Variants in PIP5K1B observed in about 807,000 individuals in gnomAD.
PIP5K1B encodes phosphatidylinositol 4-phosphate 5-kinase type-1 beta.
A neutral mutation model predicts 67.0 loss-of-function variants in PIP5K1B; 42 were observed. The observed-to-expected ratio is 0.63, with a 90% CI of 0.49 to 0.81. The LOEUF (loss-of-function observed/expected upper bound fraction) is 0.81. PIP5K1B is among the 30% of genes least tolerant of loss of function. The probability of loss-of-function intolerance (pLI) is 0.00; values close to 1 mark genes in which losing one functional copy is unlikely to be tolerated. For missense variants in PIP5K1B, 459 were observed against 646.3 expected (o/e 0.71, Z 3.14); for synonymous variants, 214 against 231.4 (o/e 0.92, Z 0.68).
At chr9:68,857,158 C>T (rs919975823) in intron 4 of PIP5K1B, among the ~76,000 whole-genome samples, 12 of 152,176 alleles carry the variant, frequency 7.9e-5, no homozygotes, top group Admixed American at 2.6e-4. Context: ...TCTGAAGGAA[C>T]GCAGCCTTGT....
chr9:68,744,582 G>A (rs1311278125), intron 2 of PIP5K1B, among the ~76,000 whole-genome samples: 5 of 152,212 alleles, frequency 3.3e-5, no homozygotes, highest in Non-Finnish European at 7.3e-5. Flanking sequence ...TGTGGTTGGA[G>A]GCTTTTTCTC....
Position 68,705,242 on chromosome 9 carries a change from C to T in PIP5K1B, c.-763C>T. 6.6e-6 allele frequency among the ~76,000 whole-genome samples: 1 copy of T among 151,918 alleles called. No individual in the cohort carries two copies. The highest frequency in any genetic ancestry group is 1.5e-5 in the Non-Finnish European group (1 of 67,944). On this transcript the variant is annotated 5_prime_UTR_variant, in exon 1 of 16. Coordinates refer to ENST00000265382, the MANE Select transcript of PIP5K1B (RefSeq NM_003558.4). ...CGGCAGCCGCCGCGCAGCCGGCTCT[C>T]TCTGCGCCTCGCTCCGACTCCGGCG...
intron 12 of PIP5K1B, among the ~76,000 whole-genome samples, chr9:68,931,833 G>A (rs1048878629): frequency 2.0e-5 from 3 of 152,138 alleles, no homozygotes; most frequent in Non-Finnish European, 2.9e-5. Flanking sequence ...AAATCTAGGC[G>A]TTTCTGCCAC....
At chr9:68,759,906 C>T (rs547707223) in intron 2 of PIP5K1B, among the ~76,000 whole-genome samples, 3 of 152,060 alleles carry the variant, frequency 2.0e-5, no homozygotes, top group South Asian at 4.2e-4. Flanking sequence ...GTATGGCTTA[C>T]ATTAAAATTT....
At chr9:68,891,125 GT>G (rs1356164623) in intron 7 of PIP5K1B, among the ~76,000 whole-genome samples, 1 of 152,150 alleles carries the variant, frequency 6.6e-6, no homozygotes, top group African/African-American at 2.4e-5. Flanking sequence ...GCACGCACCT[GT>G]GGTCCCAGCT....
chr9:68,847,586 T>A (rs140101842), intron 4 of PIP5K1B, among the ~76,000 whole-genome samples: 81 of 152,068 alleles, frequency 5.3e-4, no homozygotes, highest in African/African-American at 1.6e-3. Flanking sequence ...CAGCCTAGAT[T>A]CTAATTCCTA....
At chr9:68,737,757 C>G (rs914343878) in intron 1 of PIP5K1B, among the ~76,000 whole-genome samples, 1 of 152,168 alleles carries the variant, frequency 6.6e-6, no homozygotes, top group Non-Finnish European at 1.5e-5. Context: ...TGCACCCTTG[C>G]AAAATTTCTG....
intron 5 of PIP5K1B, among the ~76,000 whole-genome samples, chr9:68,868,434 A>G (rs2132282907): frequency 6.6e-6 from 1 of 152,360 alleles, no homozygotes; most frequent in Admixed American, 6.5e-5. Flanking sequence ...ACTATTTGGT[A>G]TATGAAATAA....
intron 1 of PIP5K1B, among the ~76,000 whole-genome samples, chr9:68,733,411 G>C (rs534125851): frequency 6.6e-6 from 1 of 152,268 alleles, no homozygotes; most frequent in Non-Finnish European, 1.5e-5. Flanking sequence ...GTGTGAAGCA[G>C]TGTGAAGAAT....
At chr9:68,726,165 A>AAGATCTACAACACCCAGT (rs1828139356) in intron 1 of PIP5K1B, among the ~76,000 whole-genome samples, 1 of 152,262 alleles carries the variant, frequency 6.6e-6, no homozygotes, top group Non-Finnish European at 1.5e-5. Context: ...TAAATGCTTG[A>AAGATCTACAACACCCAGT]GGTGATAGAT....
chr9:68,753,257 C>A (rs1298281138), intron 2 of PIP5K1B, among the ~76,000 whole-genome samples: 1 of 150,214 alleles, frequency 6.7e-6, no homozygotes, highest in Non-Finnish European at 1.5e-5. Flanking sequence ...CTTTATGACA[C>A]ATTTTGATAA....
chr9:69,003,803 C>T (rs956658807), intron 15 of PIP5K1B, among the ~76,000 whole-genome samples: 1 of 152,106 alleles, frequency 6.6e-6, no homozygotes, highest in African/African-American at 2.4e-5. Flanking sequence ...AAAAGTAAAC[C>T]GAGGCCATCT....
chr9:68,887,875 CA>C (rs1350384521), intron 6 of PIP5K1B, among the ~76,000 whole-genome samples: 1 of 151,946 alleles, frequency 6.6e-6, no homozygotes, highest in African/African-American at 2.4e-5. Flanking sequence ...AGGCAGAGAA[CA>C]GGGGGCAGAT....
At chr9:68,816,066 T>C (rs7046284) in intron 2 of PIP5K1B, among the ~76,000 whole-genome samples, 119,468 of 152,080 alleles carry the variant, frequency 0.79, 46,973 homozygotes, top group Admixed American at 0.84. Context: ...ATAATCCCAG[T>C]CAGAATCCCA....
intron 2 of PIP5K1B, among the ~76,000 whole-genome samples, chr9:68,770,901 T>G (rs1467193430): frequency 2.0e-5 from 3 of 152,086 alleles, no homozygotes; most frequent in Non-Finnish European, 4.4e-5. Flanking sequence ...ATAGCGGAAA[T>G]GTATGTAAGT....
At chr9:68,872,491 G>A (rs571929964) in intron 5 of PIP5K1B, among the ~76,000 whole-genome samples, 101 of 152,216 alleles carry the variant, frequency 6.6e-4, no homozygotes, top group Non-Finnish European at 1.3e-3. Context: ...GGGGGAAGAG[G>A]AATCAGTTTA....
At chr9:68,729,783 G>A (rs1564092680) in intron 1 of PIP5K1B, among the ~76,000 whole-genome samples, 1 of 152,106 alleles carries the variant, frequency 6.6e-6, no homozygotes. Context: ...GCATGGCTGT[G>A]TAGAATTTGG....
At chr9:68,747,796 A>G (rs1230622777) in intron 2 of PIP5K1B, among the ~76,000 whole-genome samples, 1 of 152,196 alleles carries the variant, frequency 6.6e-6, no homozygotes, top group Non-Finnish European at 1.5e-5. Flanking sequence ...TATCTTAGCT[A>G]GAAGCCACTC....
rs771245548 is a variant in PIP5K1B, at chr9:68,781,080, T to C, written c.-85-37381T>C. ...GCAGTGGAGAGAGAGAATAATCTAG[T>C]TGGGGCAAACACTGAACTTTGTCAA... On this transcript the variant is annotated intron_variant, in intron 2 of 15. Transcript: ENST00000265382. The C allele has an allele frequency of 1.2e-5, 18 of 1,557,516 alleles. 1 individual carries two copies.
Sources: gnomAD v4.1 joint callset for allele counts (sites outside exome capture counted in the v4.1 genomes callset) on GRCh38, gnomAD v4.1.1 for gene constraint, MANE v1.5 for transcripts, NCBI Gene and HGNC (gene_info 2026-07-23, HGNC 2026-07-21) for gene names.